Variants in TM6SF1 observed in about 807,000 individuals in gnomAD.
The protein encoded by TM6SF1 is transmembrane 6 superfamily member 1.
Under a neutral mutation model 47.1 loss-of-function variants are expected in TM6SF1, and 43 were observed. That is an observed-to-expected ratio of 0.91 (90% confidence interval 0.72 to 1.18). The LOEUF (loss-of-function observed/expected upper bound fraction) is 1.18. Ranked by LOEUF, TM6SF1 falls within the 50% of genes most tolerant of loss-of-function variation. The probability of loss-of-function intolerance (pLI) is 0.00; values close to 1 mark genes in which losing one functional copy is unlikely to be tolerated. For synonymous variants in TM6SF1, 177 were observed against 166.3 expected, an observed-to-expected ratio of 1.06 and a Z score of -0.49; for missense variants, 390 against 449.0, an observed-to-expected ratio of 0.87 and a Z score of 1.19.
At chr15:83,115,684 C>A in intron 2 of TM6SF1, 161 bp from the exon 3 acceptor site, 3 of 702,936 alleles carry the variant, frequency 4.3e-6, no homozygotes, top group Non-Finnish European at 7.8e-6. Context: ...GGAGGTCCAG[C>A]TGGGTGTGTA....
intron 9 of TM6SF1, chr15:83,132,478 T>C (rs942760530): frequency 4.6e-5 from 7 of 152,202 alleles, no homozygotes; most frequent in African/African-American, 1.7e-4. Flanking sequence ...GTAGGTGCTA[T>C]GTCATGTCTT....
chr15:83,120,000 T>C lies in TM6SF1; in HGVS notation c.398+319T>C, dbSNP rs200904336. Reference sequence around the variant, plus strand: ...TAAACTTCATTTCAAAACTTCAAAATTTCCAAACAGCAATCTCATTTCGGT... The same window carrying C: ...TAAACTTCATTTCAAAACTTCAAAACTTCCAAACAGCAATCTCATTTCGGT... On this transcript the variant is annotated intron_variant, in intron 4 of 9. Coordinates refer to ENST00000322019, the MANE Select transcript of TM6SF1 (RefSeq NM_023003.5). 3.6e-5 allele frequency: 9 copies of C among 249,214 alleles called. No homozygotes were observed. In the East Asian group the frequency reaches 7.7e-4, roughly 21 times the overall value. 15.4% of individuals were successfully genotyped at this position (249,214 alleles called of 1,614,324 possible).
rs200970627 is a variant in TM6SF1 at position 83,119,586 on chromosome 15, G to A, written c.303G>A (p.Pro101=). The change falls in exon 4 of 10, where the codon CCG becomes CCA. Residue 101 remains proline, a synonymous_variant. Transcript: ENST00000322019. ...FMTHYLREGE[P]YLNTAYGHMI... ...TTTAATGCTTTCTTTAGGGTGAACC[G>A]TATCTGAACACCGCATATGGGCACA... is the stretch of plus-strand genomic sequence containing the variant. 232 of 1,614,068 alleles carry A rather than the reference G, an allele frequency of 1.4e-4. No homozygotes were observed. Among genetic ancestry groups the A allele is most frequent in the Admixed American group, 2.0e-4 (12 of 60,022 alleles).
intron 9 of TM6SF1, chr15:83,132,287 A>C (rs1337512291): frequency 6.6e-6 from 1 of 152,236 alleles, no homozygotes; most frequent in African/African-American, 2.4e-5. Flanking sequence ...ATTAACCTGA[A>C]GACAAACTAA....
chr15:83,127,762 G>A, intron 9 of TM6SF1: 1 of 331,046 alleles, frequency 3.0e-6, no homozygotes, highest in Admixed American at 5.1e-5. Context: ...ATGTGGCATT[G>A]TTGTTTTATT....
rs1805575782 is a variant in TM6SF1, at chr15:83,136,951, A to C, written c.*279A>C. ...ATTGTTTGACATATAAAATAATTAT[A>C]AGTGTAAAAAATTACAATTTAGTGC... On this transcript the variant is annotated 3_prime_UTR_variant, in exon 10 of 10. Coordinates refer to ENST00000322019, the MANE Select transcript of TM6SF1 (RefSeq NM_023003.5). The C allele has an allele frequency of 4.4e-6, 1 of 229,470 alleles. No homozygotes were observed. 14.2% of individuals were successfully genotyped at this position (229,470 alleles called of 1,614,324 possible).
chr15:83,120,168 T>C (rs946875022), intron 4 of TM6SF1: 2 of 161,694 alleles, frequency 1.2e-5, no homozygotes, highest in African/African-American at 4.8e-5. Context: ...GTACAAGGGA[T>C]TAAAGGAACA....
chr15:83,108,354 C>T (rs1031914085), intron 1 of TM6SF1, among the ~76,000 whole-genome samples: 2 of 152,050 alleles, frequency 1.3e-5, no homozygotes, highest in African/African-American at 4.8e-5. Flanking sequence ...CTCGGTTTTC[C>T]GGTCAAGTGG....
chr15:83,108,931 C>T (rs532250195), intron 1 of TM6SF1, among the ~76,000 whole-genome samples: 5 of 152,220 alleles, frequency 3.3e-5, no homozygotes, highest in South Asian at 2.1e-4. Flanking sequence ...TCTGGGCCAC[C>T]GAATATTACA....
intron 5 of TM6SF1, among the ~76,000 whole-genome samples, chr15:83,122,492 C>T (rs1057224443): frequency 2.0e-5 from 3 of 152,150 alleles, no homozygotes; most frequent in Admixed American, 2.0e-4. Context: ...CAGGATCTCA[C>T]TCTGTTGCCC....
rs1003454184 is a variant in TM6SF1, at chr15:83,107,974, G to A, written c.92+202G>A. The A allele has an allele frequency of 2.7e-6, 3 of 1,092,076 alleles. No individual in the cohort carries two copies. In the Admixed American group the frequency reaches 1.3e-4, roughly 48 times the overall value. The allele number at this position is 1,092,076 out of a possible 1,614,324, so 67.6% of individuals were successfully genotyped here. On this transcript the variant is annotated intron_variant, in intron 1 of 9. Transcript: ENST00000322019. The surrounding 1 kb of genome is among the most constrained non-coding windows in gnomAD (Gnocchi z 5.6). Reference sequence around the variant, plus strand: ...GGGCCGGGTCTTGGAGCCGGGCCCTGAGGTGCCCAGGCTGGCGCATTTCGG... The same window carrying A: ...GGGCCGGGTCTTGGAGCCGGGCCCTAAGGTGCCCAGGCTGGCGCATTTCGG...
At chr15:83,113,052 G>A (rs1203420864) in intron 2 of TM6SF1, 152 bp downstream of exon 2, 10 of 667,798 alleles carry the variant, frequency 1.5e-5, no homozygotes, top group East Asian at 2.7e-5. Flanking sequence ...TCTGGCCCTC[G>A]CCTCTGGCTA....
chr15:83,118,248 C>G (rs1189678775), intron 3 of TM6SF1, among the ~76,000 whole-genome samples: 2 of 151,946 alleles, frequency 1.3e-5, no homozygotes, highest in African/African-American at 4.8e-5. Context: ...CACACACACA[C>G]ACACACACAC....
At position 83,119,166 on chromosome 15, in the gene TM6SF1, A is replaced by AG. The variant is rs1156571697; in HGVS notation, c.295-412_295-411insG. Among the ~76,000 whole-genome samples, 12 of 152,284 alleles carry AG rather than the reference A, an allele frequency of 7.9e-5. No individual in the cohort carries two copies. In the East Asian group the frequency reaches 2.3e-3, roughly 29 times the overall value. ...CCAGCAAGCCACGGGATCAGCATGA[A>AG]TTATTAAGGCCAGCCACTGGTTCTG... On this transcript the variant is annotated intron_variant, in intron 3 of 9. Transcript: ENST00000322019.
At chr15:83,120,083 G>A (rs566088363) in intron 4 of TM6SF1, 8 of 190,790 alleles carry the variant, frequency 4.2e-5, no homozygotes, top group East Asian at 3.9e-4. Flanking sequence ...CTCGCACTAA[G>A]GCTTGGCTAC....
Position 83,118,198 on chromosome 15 carries a change from C to T in TM6SF1, c.295-1380C>T, listed in dbSNP as rs191814018. On this transcript the variant is annotated intron_variant, in intron 3 of 9. Coordinates refer to ENST00000322019, the MANE Select transcript of TM6SF1 (RefSeq NM_023003.5). ...CAATGATCACCACTGCACTCTAGACCGGGTGACAGAGTGAGACCCTGTCTC... is the reference window on the plus strand; with the variant it reads ...CAATGATCACCACTGCACTCTAGACTGGGTGACAGAGTGAGACCCTGTCTC... Among the ~76,000 whole-genome samples, 109 of 151,140 alleles carry T rather than the reference C, an allele frequency of 7.2e-4. 1 individual carries two copies. The highest frequency in any genetic ancestry group is 2.3e-3 in the African/African-American group (94 of 41,220).
In TM6SF1 at chr15:83,126,837, C is replaced by G; in HGVS notation, c.791C>G (p.Pro264Arg). The change falls in exon 8 of 10, where the codon CCT (proline) becomes CGT (arginine). Residue 264 changes from proline to arginine, a missense_variant. By Grantham distance (103) the Pro-to-Arg change is moderately radical (BLOSUM62 -2). Coordinates refer to ENST00000322019, the MANE Select transcript of TM6SF1 (RefSeq NM_023003.5). ...EPYLKDPAAY[P>R]KIQMLAYMFY... is the part of the protein sequence containing the mutation. ...TATCTAAAGGATCCTGCTGCTTATCCTAAAATTCAGGTCAAGTAGTTATGA... is the reference window on the plus strand; with the variant it reads ...TATCTAAAGGATCCTGCTGCTTATCGTAAAATTCAGGTCAAGTAGTTATGA... The G allele has an allele frequency of 1.2e-6, 2 of 1,612,228 alleles. No individual in the cohort carries two copies. The highest frequency in any genetic ancestry group is 1.1e-5 in the South Asian group (1 of 90,770).
intron 9 of TM6SF1, 81 bp from the exon 10 acceptor site, chr15:83,136,400 G>T (rs569176678): frequency 7.8e-7 from 1 of 1,273,942 alleles, no homozygotes; most frequent in East Asian, 2.5e-5. Flanking sequence ...AACGTAGCCT[G>T]AATGAACCAT....
At chr15:83,121,026 T>C (rs1260670141) in intron 4 of TM6SF1, among the ~76,000 whole-genome samples, 1 of 152,160 alleles carries the variant, frequency 6.6e-6, no homozygotes, top group African/African-American at 2.4e-5. Context: ...TCATAGCCTG[T>C]TACATAGTGT....
Sources: gnomAD v4.1 joint callset for allele counts (sites outside exome capture counted in the v4.1 genomes callset) on GRCh38, gnomAD v4.1.1 for gene constraint, Gnocchi (gnomAD v3.1) non-coding constraint, MANE v1.5 for transcripts, NCBI Gene and HGNC (gene_info 2026-07-23, HGNC 2026-07-21) for gene names.